Variants in NEDD4L observed in about 807,000 individuals in gnomAD.
NEDD4L encodes the protein E3 ubiquitin-protein ligase NEDD4-like.
NEDD4L carries 54 observed loss-of-function variants against 148.9 expected under a neutral mutation model. The ratio of observed to expected loss-of-function variants is 0.36; its 90% CI spans 0.29 to 0.45. NEDD4L has a LOEUF of 0.45. Among genes scored for constraint, NEDD4L ranks in the 20% least tolerant of loss-of-function variants. The pLI, the probability that NEDD4L is intolerant of heterozygous loss-of-function variation, is 1.00. For missense variants in NEDD4L, 856 were observed against 1,233.8 expected (o/e 0.69, Z 4.59); for synonymous variants, 433 against 440.7 (o/e 0.98, Z 0.22).
chr18:58,387,667 A>T (rs1241809619), intron 27 of NEDD4L, 169 bp downstream of exon 27: 1 of 768,376 alleles, frequency 1.3e-6, no homozygotes. Context: ...TGGTTCTATT[A>T]CATGTCTCTT....
At position 58,351,056 on chromosome 18, in the gene NEDD4L, G is replaced by T; in HGVS notation, c.1708+11G>T. ...TTTATATTGATCATAGTAAGTAGGC[G>T]CTGTTATGGACACACAGGTGTTGTG... On this transcript the variant is annotated intron_variant, in intron 18 of 30. Coordinates refer to ENST00000400345, the MANE Select transcript of NEDD4L (RefSeq NM_001144967.3). 1.3e-6 allele frequency: 2 copies of T among 1,580,906 alleles called. No homozygotes were observed. The highest frequency in any genetic ancestry group is 1.7e-6 in the Non-Finnish European group (2 of 1,161,786).
chr18:58,169,821 C>T (rs1179251826), intron 2 of NEDD4L, among the ~76,000 whole-genome samples: 1 of 152,188 alleles, frequency 6.6e-6, no homozygotes, highest in Non-Finnish European at 1.5e-5. Flanking sequence ...CTCCGCCACA[C>T]AGGCTGCTGC....
At chr18:58,080,937 A>G (rs1452766707) in intron 1 of NEDD4L, among the ~76,000 whole-genome samples, 3 of 152,040 alleles carry the variant, frequency 2.0e-5, no homozygotes, top group Non-Finnish European at 2.9e-5. Flanking sequence ...GGGAGGTGGT[A>G]GAGGGCTGGG....
chr18:58,213,069 A>C (rs2042762992), intron 2 of NEDD4L, among the ~76,000 whole-genome samples: 1 of 152,228 alleles, frequency 6.6e-6, no homozygotes, highest in Non-Finnish European at 1.5e-5. Context: ...GAAAAATAAC[A>C]CTTTTTGATA....
intron 1 of NEDD4L, among the ~76,000 whole-genome samples, chr18:58,084,961 C>G (rs2145186975): frequency 1.3e-5 from 2 of 151,922 alleles, no homozygotes; most frequent in Admixed American, 1.3e-4. Flanking sequence ...CCCCAACATG[C>G]TAGGATTGCA....
intron 2 of NEDD4L, among the ~76,000 whole-genome samples, chr18:58,224,366 C>T (rs989521966): frequency 2.6e-5 from 4 of 152,178 alleles, no homozygotes. Context: ...CCTTTTAGCT[C>T]AATTAACTGG....
chr18:58,330,353 A>AGT (rs1340370022), intron 10 of NEDD4L, among the ~76,000 whole-genome samples: 5 of 152,262 alleles, frequency 3.3e-5, no homozygotes, highest in East Asian at 1.9e-4. Flanking sequence ...ACTCCAGAGA[A>AGT]GTGTGTGTGT....
At chr18:58,241,786 G>A (rs538643112) in intron 2 of NEDD4L, among the ~76,000 whole-genome samples, 23 of 152,156 alleles carry the variant, frequency 1.5e-4, no homozygotes, top group African/African-American at 5.1e-4. Context: ...GGAAATAGAA[G>A]GTTGCTTGAA....
chr18:58,315,985 C>T lies in NEDD4L; in HGVS notation c.301C>T (p.Arg101Ter), dbSNP rs1383776547. 2.5e-6 allele frequency: 4 copies of T among 1,612,852 alleles called. No individual in the cohort carries two copies. The highest frequency in any genetic ancestry group is 2.5e-6 in the Non-Finnish European group (3 of 1,178,826). The change falls in exon 6 of 31, where the codon CGA becomes TGA. Residue 101 changes from arginine to a stop codon, truncating the protein, a stop_gained. Coordinates refer to ENST00000400345, the MANE Select transcript of NEDD4L (RefSeq NM_001144967.3). LOFTEE classifies it high-confidence loss of function. ...FEVFDENRLT[R>*]DDFLGQVDVP... Reference sequence around the variant, plus strand: ...CTCTTTGTTCTCTTCCTAACAGACACGAGACGACTTCCTGGGCCAGGTGGA... The same window carrying T: ...CTCTTTGTTCTCTTCCTAACAGACATGAGACGACTTCCTGGGCCAGGTGGA...
intron 2 of NEDD4L, among the ~76,000 whole-genome samples, chr18:58,235,279 G>T (rs2045873821): frequency 6.6e-6 from 1 of 152,106 alleles, no homozygotes; most frequent in Admixed American, 6.5e-5. Context: ...CTGCTAACAG[G>T]TTTTATTGTT....
chr18:58,235,656 A>G (rs992745620), intron 2 of NEDD4L, among the ~76,000 whole-genome samples: 5 of 152,114 alleles, frequency 3.3e-5, no homozygotes, highest in Non-Finnish European at 1.5e-5. Context: ...CTTGGCCAGA[A>G]CTGTTTTCAG....
chr18:58,182,249 C>CG (rs1470379591), intron 2 of NEDD4L, among the ~76,000 whole-genome samples: 1 of 151,742 alleles, frequency 6.6e-6, no homozygotes, highest in East Asian at 1.9e-4. Flanking sequence ...AAATGCGGGG[C>CG]GGGGGGTGAA....
chr18:58,237,458 A>G (rs955994801), intron 2 of NEDD4L, among the ~76,000 whole-genome samples: 1 of 152,206 alleles, frequency 6.6e-6, no homozygotes. Context: ...GCATAAGAAA[A>G]TATGCTGGCA....
At chr18:58,391,098 C>G (rs1293863217) in intron 29 of NEDD4L, among the ~76,000 whole-genome samples, 1 of 151,904 alleles carries the variant, frequency 6.6e-6, no homozygotes, top group Non-Finnish European at 1.5e-5. Flanking sequence ...CAGAATTTTT[C>G]AGTGTTTACC....
At position 58,341,764 on chromosome 18, in the gene NEDD4L, C is replaced by T. The variant is rs1240106209; in HGVS notation, c.1344C>T (p.Ser448=). ...EPQIRRPRSL[S]SPTVTLSAPL... ...AGATCCGCCGGCCTCGTAGCCTCAGCTCGCCAACAGTAACTTTATCTGCCC... is the reference window on the plus strand; with the variant it reads ...AGATCCGCCGGCCTCGTAGCCTCAGTTCGCCAACAGTAACTTTATCTGCCC... The change falls in exon 15 of 31, where the codon AGC becomes AGT. Residue 448 remains serine (S), a synonymous_variant. Coordinates refer to ENST00000400345, the MANE Select transcript of NEDD4L (RefSeq NM_001144967.3). The T allele has an allele frequency of 1.9e-6, 3 of 1,613,780 alleles. No individual in the cohort carries two copies. Among genetic ancestry groups the T allele is most frequent in the Non-Finnish European group, 2.5e-6 (3 of 1,179,848 alleles).
chr18:58,064,196 C>T (rs1056092070), intron 1 of NEDD4L, among the ~76,000 whole-genome samples: 1 of 151,994 alleles, frequency 6.6e-6, no homozygotes, highest in Non-Finnish European at 1.5e-5. Flanking sequence ...GATCTCCTGA[C>T]TTCGTGATCT....
chr18:58,368,253 A>AT (rs11428475), intron 22 of NEDD4L, among the ~76,000 whole-genome samples: 79,880 of 152,018 alleles, frequency 0.53, 22,818 homozygotes, highest in African/African-American at 0.77. Flanking sequence ...TCCCCAAATT[A>AT]TTTTTTAATT....
At chr18:58,339,007 C>CT (rs2042110688) in intron 13 of NEDD4L, among the ~76,000 whole-genome samples, 1 of 152,194 alleles carries the variant, frequency 6.6e-6, no homozygotes, top group South Asian at 2.1e-4. Flanking sequence ...CATGTGCTTT[C>CT]AGTTGATCAG....
intron 5 of NEDD4L, among the ~76,000 whole-genome samples, chr18:58,305,851 G>T (rs1187814677): frequency 1.3e-5 from 2 of 152,146 alleles, no homozygotes; most frequent in Non-Finnish European, 2.9e-5. Flanking sequence ...GTTGTGTCGG[G>T]TGGGGAGGGG....
Sources: gnomAD v4.1 joint callset for allele counts (sites outside exome capture counted in the v4.1 genomes callset) on GRCh38, gnomAD v4.1.1 for gene constraint, MANE v1.5 for transcripts, NCBI Gene and HGNC (gene_info 2026-07-23, HGNC 2026-07-21) for gene names.